Variants in TM9SF3 observed in about 807,000 individuals in gnomAD.
TM9SF3 encodes transmembrane 9 superfamily member 3.
A neutral mutation model predicts 78.6 loss-of-function variants in TM9SF3; 14 were observed. That is an observed-to-expected ratio of 0.18 (90% CI 0.12 to 0.28). The LOEUF (loss-of-function observed/expected upper bound fraction) is 0.28. Among genes scored for constraint, TM9SF3 ranks in the 10% least tolerant of loss-of-function variants. The pLI is 1.00. For missense variants in TM9SF3, 496 were observed against 721.9 expected, an observed-to-expected ratio of 0.69 and a Z score of 3.59; for synonymous variants, 231 against 241.7, an observed-to-expected ratio of 0.96 and a Z score of 0.41.
chr10:96,528,996 G>T (rs986657311), intron 11 of TM9SF3, among the ~76,000 whole-genome samples: 1 of 152,100 alleles, frequency 6.6e-6, no homozygotes, highest in Non-Finnish European at 1.5e-5. Context: ...CAAAACAGAA[G>T]ATAAGTTGAA....
chr10:96,560,722 TGAA>T, intron 4 of TM9SF3: 1 of 575,764 alleles, frequency 1.7e-6, no homozygotes. Flanking sequence ...AAACCACCAG[TGAA>T]GAAATCTACA....
chr10:96,547,955 A>G lies in TM9SF3; in HGVS notation c.994T>C (p.Tyr332His), dbSNP rs1456761493. 2.5e-6 allele frequency: 4 copies of G among 1,613,724 alleles called. No individual in the cohort carries two copies. The South Asian group carries it at 3.3e-5, about 13-fold the overall frequency. ...CCATTCACTGGAGACGTAGCAGCAT[A>G]GACAAATATGGCTGTACTGAGCATT... Reference protein sequence around the residue: ...GSMLSTAIFVYAATSPVNGYF... With the variant: ...GSMLSTAIFVHAATSPVNGYF... Residue 332 changes from tyrosine to histidine, a missense_variant, in exon 8 of 15, where the codon TAT (tyrosine) becomes CAT (histidine). This residue lies in a region of TM9SF3 where 280 missense variants were observed against 422.6 expected (regional missense o/e 0.66). Coordinates refer to ENST00000371142, the MANE Select transcript of TM9SF3 (RefSeq NM_020123.4).
At chr10:96,560,784 G>C in intron 4 of TM9SF3, 1 of 562,656 alleles carries the variant, frequency 1.8e-6, no homozygotes, top group Non-Finnish European at 3.4e-6. Flanking sequence ...GAATGGAAAA[G>C]ACTCAAAACT....
At position 96,528,099 on chromosome 10, in the gene TM9SF3, C is replaced by T; in HGVS notation, c.1473G>A (p.Leu491=). The T allele has an allele frequency of 1.2e-6, 2 of 1,612,856 alleles. No homozygotes were observed. The highest frequency in any genetic ancestry group is 2.2e-5 in the South Asian group (2 of 91,018). ...YGFMMLVLVI[L]CIVTVCVTIV... ...TAGTCACACAGACAGTCACAATGCA[C>T]AGGATAACCAGCACCAGCATCATGA... Residue 491 remains leucine (L), a synonymous_variant, in exon 12 of 15, where the codon CTG becomes CTA. Transcript: ENST00000371142.
intron 5 of TM9SF3, among the ~76,000 whole-genome samples, chr10:96,558,391 C>T (rs1848260103): frequency 6.6e-6 from 1 of 152,054 alleles, no homozygotes. Flanking sequence ...CCTGTAATCT[C>T]AGCACTTTGG....
chr10:96,528,655 G>GC (rs1847864479), intron 11 of TM9SF3, among the ~76,000 whole-genome samples: 1 of 152,096 alleles, frequency 6.6e-6, no homozygotes, highest in African/African-American at 2.4e-5. Flanking sequence ...TCAGAGGACA[G>GC]CAAGGGAAAA....
chr10:96,552,831 A>C (rs916348568), intron 6 of TM9SF3, 97 bp downstream of exon 6: 2 of 1,223,150 alleles, frequency 1.6e-6, no homozygotes, highest in East Asian at 5.9e-5. Flanking sequence ...TGGAAACTCA[A>C]AGACTTCCGG....
chr10:96,574,419 A>C (rs977287700), intron 2 of TM9SF3, among the ~76,000 whole-genome samples: 1 of 152,194 alleles, frequency 6.6e-6, no homozygotes, highest in Non-Finnish European at 1.5e-5. Flanking sequence ...AAAAATCAGG[A>C]AACAACAGAT....
At chr10:96,560,666 AGAT>A (rs762007864) in intron 4 of TM9SF3, 152 of 608,540 alleles carry the variant, frequency 2.5e-4, no homozygotes, top group East Asian at 5.0e-4. Flanking sequence ...CTGCTGATGA[AGAT>A]GATGATGATG....
At chr10:96,555,187 T>C (rs1049966637) in intron 5 of TM9SF3, among the ~76,000 whole-genome samples, 4 of 152,302 alleles carry the variant, frequency 2.6e-5, no homozygotes, top group Non-Finnish European at 4.4e-5. Flanking sequence ...TCTCCAATAT[T>C]CTATACTTCC....
At position 96,586,994 on chromosome 10, in the gene TM9SF3, G is replaced by GCCGTCA. The variant is rs1848643712; in HGVS notation, c.-165_-160dup. 4 of 408,506 alleles carry GCCGTCA rather than the reference G, an allele frequency of 9.8e-6. No individual in the cohort carries two copies. The highest frequency in any genetic ancestry group is 1.5e-5 in the Non-Finnish European group (4 of 273,706). The allele number at this position is 408,506 out of a possible 1,614,324, so 25.3% of individuals were successfully genotyped here. A position where few individuals can be genotyped will look rare whatever the true frequency, so the allele number is the denominator to read the frequency against. On this transcript the variant is annotated 5_prime_UTR_variant, in exon 1 of 15. Coordinates refer to ENST00000371142, the MANE Select transcript of TM9SF3 (RefSeq NM_020123.4). ...CGCTGCCTCCTCTGCCGCCGCCGTC[G>GCCGTCA]CCGTCACCGCCCGCTCCTGAGCCTC...
chr10:96,557,254 C>G (rs1023959221), intron 5 of TM9SF3, among the ~76,000 whole-genome samples: 14 of 152,066 alleles, frequency 9.2e-5, no homozygotes, highest in Non-Finnish European at 1.6e-4. Context: ...ACAGACACAC[C>G]AAAACGAACA....
intron 5 of TM9SF3, among the ~76,000 whole-genome samples, chr10:96,554,037 G>A (rs56087801): frequency 0.17 from 25,202 of 151,918 alleles, 2,316 homozygotes; most frequent in East Asian, 0.37. Flanking sequence ...GTTTTGAGGT[G>A]TTTTTTCTCC....
At chr10:96,586,132 G>A (rs1848626018) in intron 1 of TM9SF3, among the ~76,000 whole-genome samples, 2 of 152,148 alleles carry the variant, frequency 1.3e-5, no homozygotes, top group Non-Finnish European at 2.9e-5. Flanking sequence ...GGAATTGAAC[G>A]CGTGTAGGTT....
intron 2 of TM9SF3, 189 bp downstream of exon 2, chr10:96,576,441 TTTGG>T: frequency 2.6e-6 from 1 of 388,300 alleles, no homozygotes; most frequent in Non-Finnish European, 4.5e-6. Context: ...TGGTGACTTT[TTTGG>T]TTTTCACAAC....
intron 5 of TM9SF3, among the ~76,000 whole-genome samples, chr10:96,557,237 A>T (rs1000950151): frequency 2.6e-5 from 4 of 152,138 alleles, no homozygotes; most frequent in African/African-American, 9.7e-5. Context: ...CTCCATTTGG[A>T]TATCGTACAG....
Position 96,544,200 on chromosome 10 carries a change from C to T in TM9SF3, c.1061G>A (p.Arg354Lys). 2 of 1,575,508 alleles carry T rather than the reference C, an allele frequency of 1.3e-6. No individual in the cohort carries two copies. Among genetic ancestry groups the T allele is most frequent in the South Asian group, 1.2e-5 (1 of 82,364 alleles). Residue 354 changes from arginine (R) to lysine (K), a missense_variant, in exon 9 of 15, where the codon AGA becomes AAA. Coordinates refer to ENST00000371142, the MANE Select transcript of TM9SF3 (RefSeq NM_020123.4). ...CCCAATAAACATCTGCTTTATCCATCTCCTTCCTGAAAAGAAAGGAAACTA... is the reference window on the plus strand; with the variant it reads ...CCCAATAAACATCTGCTTTATCCATTTCCTTCCTGAAAAGAAAGGAAACTA... ...GSLYARQGGR[R>K]WIKQMFIGAF...
chr10:96,547,809 G>T, intron 8 of TM9SF3, 86 bp downstream of exon 8: 1 of 1,119,134 alleles, frequency 8.9e-7, no homozygotes. Context: ...GATGGAGTGA[G>T]ACTCTCTCAA....
intron 2 of TM9SF3, among the ~76,000 whole-genome samples, chr10:96,570,832 G>T (rs758279401): frequency 3.9e-5 from 6 of 152,144 alleles, no homozygotes; most frequent in Non-Finnish European, 8.8e-5. Context: ...TGCAACCTCT[G>T]CCTCCTGGAT....
Sources: gnomAD v4.1 joint callset for allele counts (sites outside exome capture counted in the v4.1 genomes callset) on GRCh38, gnomAD v4.1.1 for gene constraint, gnomAD v4.1.1 regional missense constraint, MANE v1.5 for transcripts, NCBI Gene and HGNC (gene_info 2026-07-23, HGNC 2026-07-21) for gene names.